PI4KB: variants seen among roughly 807,000 people sequenced by gnomAD.
PI4KB encodes the protein phosphatidylinositol 4-kinase beta, also known as PtdIns 4-kinase beta.
PI4KB carries 23 observed loss-of-function variants against 81.4 expected under a neutral mutation model. The ratio of observed to expected loss-of-function variants is 0.28; its 90% CI spans 0.20 to 0.40. The LOEUF (loss-of-function observed/expected upper bound fraction) is 0.40, where lower values mean the gene tolerates loss of function less well. PI4KB is among the 10% of genes least tolerant of loss of function. PI4KB has a pLI of 1.00. For missense variants in PI4KB, 651 were observed against 1,036.6 expected (o/e 0.63, Z 5.11); for synonymous variants, 381 against 406.8 (o/e 0.94, Z 0.76).
At chr1:151,312,864 A>T (rs958218089) in intron 2 of PI4KB, among the ~76,000 whole-genome samples, 1 of 152,192 alleles carries the variant, frequency 6.6e-6, no homozygotes, top group Non-Finnish European at 1.5e-5. Context: ...AAAATTTTTT[A>T]AAAATTAGCC....
intron 1 of PI4KB, among the ~76,000 whole-genome samples, chr1:151,317,922 C>T (rs1648215862): frequency 1.3e-5 from 2 of 152,070 alleles, no homozygotes; most frequent in East Asian, 1.9e-4. Flanking sequence ...CATCCTCCTG[C>T]CTCAGCCTCC....
At chr1:151,297,331 C>T (rs1215301077) in intron 9 of PI4KB, among the ~76,000 whole-genome samples, 3 of 150,994 alleles carry the variant, frequency 2.0e-5, no homozygotes, top group African/African-American at 4.9e-5. Context: ...CCTCCTGCCT[C>T]GGCCTTGTTG....
At chr1:151,324,119 T>A (rs1042036431) in intron 1 of PI4KB, among the ~76,000 whole-genome samples, 1 of 151,874 alleles carries the variant, frequency 6.6e-6, no homozygotes, top group African/African-American at 2.4e-5. Context: ...CCTGGCTAAT[T>A]TTTGTATTTT....
chr1:151,319,153 T>G (rs1557813164), intron 1 of PI4KB, among the ~76,000 whole-genome samples: 1 of 152,180 alleles, frequency 6.6e-6, no homozygotes, highest in South Asian at 2.1e-4. Context: ...TCTAGCACAG[T>G]CTTTGATACA....
intron 11 of PI4KB, 97 bp from the exon 12 acceptor site, chr1:151,293,130 T>C (rs1557781233): frequency 3.2e-6 from 5 of 1,538,896 alleles, no homozygotes; most frequent in East Asian, 2.3e-5. Flanking sequence ...GAAGTGCCCT[T>C]TTCCTCCCAC....
chr1:151,294,800 T>G (rs1694654275), intron 9 of PI4KB, among the ~76,000 whole-genome samples: 1 of 152,212 alleles, frequency 6.6e-6, no homozygotes, highest in African/African-American at 2.4e-5. Context: ...TAGTTTAAGA[T>G]TCTCCCAATT....
intron 6 of PI4KB, 59 bp downstream of exon 6, chr1:151,303,482 G>T (rs1695478539): frequency 1.0e-6 from 1 of 985,270 alleles, no homozygotes; most frequent in African/African-American, 1.6e-5. Flanking sequence ...AGGTAACAAA[G>T]AGATGGGAAG....
chr1:151,320,358 T>G (rs904588154), intron 1 of PI4KB, among the ~76,000 whole-genome samples: 3 of 152,052 alleles, frequency 2.0e-5, no homozygotes, highest in Non-Finnish European at 4.4e-5. Flanking sequence ...CTGCCCAATA[T>G]CATATAGTCC....
At chr1:151,320,906 A>G (rs1307184436) in intron 1 of PI4KB, among the ~76,000 whole-genome samples, 2 of 152,194 alleles carry the variant, frequency 1.3e-5, no homozygotes, top group Non-Finnish European at 2.9e-5. Context: ...ACTTTTCAAA[A>G]CTTTCAAGGG....
At chr1:151,297,383 C>T in intron 9 of PI4KB, among the ~76,000 whole-genome samples, 1 of 54,438 alleles carries the variant, frequency 1.8e-5, no homozygotes, top group Middle Eastern at 9.1e-3. Context: ...GCTTTGTTGC[C>T]CAGACTAAAG....
chr1:151,294,047 ACCTTGT>A lies in PI4KB; in HGVS notation c.2234_2239del (p.Asp745_Lys746del). 6.2e-7 allele frequency: 1 copy of A among 1,613,998 alleles called. No homozygotes were observed. The highest frequency in any genetic ancestry group is 8.5e-7 in the Non-Finnish European group (1 of 1,179,970). Reference sequence around the variant, plus strand: ...CTGCATGATCTCCACGATCTGCACCACCTTGTCCATGTGTTTCCGAGCGGCAATCAG... The same window carrying A: ...CTGCATGATCTCCACGATCTGCACCACCATGTGTTTCCGAGCGGCAATCAG... On this transcript the variant is annotated inframe_deletion, in exon 11 of 12. Transcript: ENST00000368873.
chr1:151,325,263 G>T (rs535233253), intron 1 of PI4KB, among the ~76,000 whole-genome samples: 1 of 152,172 alleles, frequency 6.6e-6, no homozygotes, highest in East Asian at 1.9e-4. Context: ...AAAATGCTGG[G>T]ATTACAGGTG....
chr1:151,303,541 C>T lies in PI4KB; in HGVS notation c.1520G>A (p.Arg507His), dbSNP rs587638204. The change falls in exon 6 of 12, where the codon CGC (arginine) becomes CAC (histidine). Residue 507 changes from arginine to histidine, a missense_variant and splice_region_variant. Arg to His is a conservative substitution (Grantham distance 29). Around this residue, in one of 5 missense-constraint regions of PI4KB, gnomAD observed 246 missense variants for 430.1 expected, o/e 0.57. Transcript: ENST00000368873. Reference sequence around the variant, plus strand: ...GAGGGGCAATGTGATCTGGCCATACCGGATGTCCCCTGCTGCAATGAACAC... The same window carrying T: ...GAGGGGCAATGTGATCTGGCCATACTGGATGTCCCCTGCTGCAATGAACAC... Reference protein sequence around the residue: ...EPVFIAAGDIRRRLSEQLAHT... With the variant: ...EPVFIAAGDIHRRLSEQLAHT... 2 of 1,593,538 alleles carry T rather than the reference C, an allele frequency of 1.3e-6. No homozygotes were observed. The highest frequency in any genetic ancestry group is 1.3e-5 in the African/African-American group (1 of 74,602).
At chr1:151,312,833 G>C (rs1399958379) in intron 2 of PI4KB, among the ~76,000 whole-genome samples, 2 of 152,192 alleles carry the variant, frequency 1.3e-5, no homozygotes, top group African/African-American at 4.8e-5. Flanking sequence ...GGGCAATAGA[G>C]CACGACCTCA....
chr1:151,322,907 A>G (rs974441097), intron 1 of PI4KB, among the ~76,000 whole-genome samples: 7 of 152,114 alleles, frequency 4.6e-5, no homozygotes, highest in Non-Finnish European at 1.0e-4. Flanking sequence ...TGCTGAGATT[A>G]CAAAGCATGA....
In PI4KB at chr1:151,324,881, A is replaced by T. The variant is rs142037530; in HGVS notation, c.-29+2390T>A. On this transcript the variant is annotated intron_variant, in intron 1 of 11. Coordinates refer to ENST00000368873, the MANE Select transcript of PI4KB (RefSeq NM_001369623.2). ...AAGGAATCTCAATTTGCTGCTTTGG[A>T]TGGTGTTCAGCATTCTCATGGAGCG... is the stretch of plus-strand genomic sequence containing the variant. The T allele has an allele frequency of 1.1e-3, 1,118 of 985,038 alleles. 10 individuals are homozygous for T. The African/African-American group carries it at 0.018, about 16-fold the overall frequency. The allele number at this position is 985,038 out of a possible 1,614,324, so 61.0% of individuals were successfully genotyped here.
intron 1 of PI4KB, among the ~76,000 whole-genome samples, chr1:151,316,814 T>TTTGTTG (rs5777768): frequency 8.6e-5 from 13 of 151,998 alleles, no homozygotes; most frequent in African/African-American, 2.2e-4. Context: ...ACAAATTCTT[T>TTTGTTG]TTGTTGTTGT....
rs1230617133 is a variant in PI4KB, at chr1:151,307,561, A to T, written c.1182+13T>A. On this transcript the variant is annotated intron_variant, in intron 4 of 11. Coordinates refer to ENST00000368873, the MANE Select transcript of PI4KB (RefSeq NM_001369623.2). ...CACGTCCAGGGTAGGGGTTTGGGCC[A>T]GAACCCATCTACCTTGTCCTTGGAG... 6.3e-7 allele frequency: 1 copy of T among 1,589,746 alleles called. No individual in the cohort carries two copies. The highest frequency in any genetic ancestry group is 8.6e-7 in the Non-Finnish European group (1 of 1,158,042).
At chr1:151,326,187 C>A (rs752467460) in intron 1 of PI4KB, 2 of 1,612,458 alleles carry the variant, frequency 1.2e-6, no homozygotes, top group Non-Finnish European at 8.5e-7. Flanking sequence ...CATTCAATTT[C>A]CACGCAGGCC....
Sources: gnomAD v4.1 joint callset for allele counts (sites outside exome capture counted in the v4.1 genomes callset) on GRCh38, gnomAD v4.1.1 for gene constraint, gnomAD v4.1.1 regional missense constraint, MANE v1.5 for transcripts, NCBI Gene and HGNC (gene_info 2026-07-23, HGNC 2026-07-21) for gene names.